Variants in TMEM132C observed in about 807,000 individuals in gnomAD.
TMEM132C encodes protein phosphatase 1, regulatory subunit 152.
TMEM132C carries 29 observed loss-of-function variants against 61.4 expected under a neutral mutation model. The ratio of observed to expected loss-of-function variants is 0.47; its 90% CI spans 0.35 to 0.64. The LOEUF is 0.64. Ranked by LOEUF, TMEM132C falls within the 30% of genes least tolerant of loss-of-function variation. The pLI is 0.00. For synonymous variants in TMEM132C, 656 were observed against 633.1 expected (o/e 1.04, Z -0.54); for missense variants, 1,408 against 1,476.9 (o/e 0.95, Z 0.76).
At chr12:128,613,131 T>C (rs954948270) in intron 3 of TMEM132C, among the ~76,000 whole-genome samples, 6 of 152,178 alleles carry the variant, frequency 3.9e-5, no homozygotes, top group African/African-American at 1.2e-4. Context: ...AGGGGGTCTT[T>C]GGACATTTGG....
chr12:128,585,932 A>G (rs950480550), intron 3 of TMEM132C, among the ~76,000 whole-genome samples: 1 of 152,172 alleles, frequency 6.6e-6, no homozygotes, highest in African/African-American at 2.4e-5. Flanking sequence ...ACAGAGGTTT[A>G]GTTTTACAAG....
intron 3 of TMEM132C, among the ~76,000 whole-genome samples, chr12:128,605,736 C>G (rs905072438): frequency 6.6e-6 from 1 of 152,116 alleles, no homozygotes; most frequent in Non-Finnish European, 1.5e-5. Flanking sequence ...TCCCTCATTC[C>G]CCTTTTTATT....
At position 128,705,458 on chromosome 12, in the gene TMEM132C, C is replaced by A; in HGVS notation, c.2490C>A (p.His830Gln). The change falls in exon 9 of 9, where the codon CAC (histidine) becomes CAA (glutamine). Residue 830 changes from histidine (H) to glutamine (Q), a missense_variant. Physicochemically the swap from His to Gln is conservative, Grantham distance 24. Transcript: ENST00000435159. ...GCGACCGCCGGCAGAAGGGCCAGCA[C>A]CATGAGCGCACAGGCCAAGATGGGC... ...HASDRRQKGQ[H>Q]HERTGQDGHL... is the part of the protein sequence containing the mutation. 1 of 1,551,142 alleles carries A rather than the reference C, an allele frequency of 6.4e-7. No homozygotes were observed. Among genetic ancestry groups the A allele is most frequent in the East Asian group, 2.4e-5 (1 of 40,892 alleles).
chr12:128,327,365 T>G (rs756364987), intron 1 of TMEM132C, among the ~76,000 whole-genome samples: 76 of 103,738 alleles, frequency 7.3e-4, no homozygotes, highest in Non-Finnish European at 1.1e-3. Flanking sequence ...CAGCTTGGTT[T>G]GTTTGTTTGT....
At chr12:128,550,252 C>T (rs1874122139) in intron 3 of TMEM132C, among the ~76,000 whole-genome samples, 1 of 151,930 alleles carries the variant, frequency 6.6e-6, no homozygotes, top group African/African-American at 2.4e-5. Flanking sequence ...CATCTTGTGT[C>T]CTCAGAGGGC....
chr12:128,350,870 C>T (rs184013234), intron 1 of TMEM132C, among the ~76,000 whole-genome samples: 3 of 152,070 alleles, frequency 2.0e-5, no homozygotes, highest in East Asian at 3.9e-4. Context: ...ACTAGAGGCA[C>T]CAGTAGCTTC....
At chr12:128,499,792 A>G (rs1872095255) in intron 2 of TMEM132C, among the ~76,000 whole-genome samples, 1 of 152,150 alleles carries the variant, frequency 6.6e-6, no homozygotes, top group African/African-American at 2.4e-5. Flanking sequence ...TCATCCATTG[A>G]TGGGCACTTA....
intron 2 of TMEM132C, among the ~76,000 whole-genome samples, chr12:128,488,079 T>A (rs1871566136): frequency 6.6e-6 from 1 of 152,208 alleles, no homozygotes; most frequent in Non-Finnish European, 1.5e-5. Context: ...CACTTGCCAG[T>A]TCCCACGGTG....
chr12:128,546,347 G>A (rs1371602597), intron 3 of TMEM132C, among the ~76,000 whole-genome samples: 4 of 152,166 alleles, frequency 2.6e-5, no homozygotes, highest in Non-Finnish European at 5.9e-5. Flanking sequence ...AAATGAAAGC[G>A]AATGTGTTCA....
intron 2 of TMEM132C, among the ~76,000 whole-genome samples, chr12:128,515,834 C>CAAAAGAAA (rs1872701005): frequency 8.9e-6 from 1 of 111,978 alleles, no homozygotes. Context: ...GACTCCGTCT[C>CAAAAGAAA]AAAAAAAAAA....
chr12:128,504,859 C>G (rs915185639), intron 2 of TMEM132C, among the ~76,000 whole-genome samples: 2 of 149,326 alleles, frequency 1.3e-5, no homozygotes, highest in Non-Finnish European at 1.5e-5. Flanking sequence ...ACAATTCAGT[C>G]CGTAATAATT....
intron 2 of TMEM132C, among the ~76,000 whole-genome samples, chr12:128,489,200 G>GT (rs1871616466): frequency 6.6e-6 from 1 of 151,992 alleles, no homozygotes; most frequent in African/African-American, 2.4e-5. Flanking sequence ...TGATGGGGGC[G>GT]TTTTCCTGCT....
At chr12:128,293,774 C>T (rs1453526007) in intron 1 of TMEM132C, among the ~76,000 whole-genome samples, 1 of 152,078 alleles carries the variant, frequency 6.6e-6, no homozygotes, top group African/African-American at 2.4e-5. Flanking sequence ...TGCACAGCCT[C>T]CTCTGAACAA....
At chr12:128,586,930 G>GA (rs1357774692) in intron 3 of TMEM132C, among the ~76,000 whole-genome samples, 2 of 152,134 alleles carry the variant, frequency 1.3e-5, no homozygotes, top group East Asian at 1.9e-4. Context: ...CAGGACATGG[G>GA]AAAAAACAGA....
intron 4 of TMEM132C, among the ~76,000 whole-genome samples, chr12:128,641,051 A>G (rs1403960051): frequency 6.6e-6 from 1 of 152,326 alleles, no homozygotes; most frequent in East Asian, 1.9e-4. Context: ...AAAACACAGG[A>G]GGTTCCCAGA....
intron 1 of TMEM132C, among the ~76,000 whole-genome samples, chr12:128,344,346 G>C (rs1873081790): frequency 6.6e-6 from 1 of 152,082 alleles, no homozygotes; most frequent in Non-Finnish European, 1.5e-5. Context: ...TTTTAGTAGA[G>C]ACAGGGTTTC....
chr12:128,481,538 C>A (rs910847715), intron 2 of TMEM132C, among the ~76,000 whole-genome samples: 2 of 152,334 alleles, frequency 1.3e-5, no homozygotes, highest in Admixed American at 6.5e-5. Context: ...CGCTTGTTAC[C>A]CCCTGCCGTG....
chr12:128,380,808 C>A (rs991652411), intron 1 of TMEM132C, among the ~76,000 whole-genome samples: 2 of 152,194 alleles, frequency 1.3e-5, no homozygotes, highest in South Asian at 4.1e-4. Context: ...CTGGTCATAA[C>A]ATATTCATCA....
chr12:128,617,016 C>G (rs1405585287), intron 4 of TMEM132C, among the ~76,000 whole-genome samples: 1 of 152,220 alleles, frequency 6.6e-6, no homozygotes, highest in Admixed American at 6.5e-5. Flanking sequence ...AGGCTACAAA[C>G]ACAACCCAAC....
Sources: gnomAD v4.1 joint callset for allele counts (sites outside exome capture counted in the v4.1 genomes callset) on GRCh38, gnomAD v4.1.1 for gene constraint, MANE v1.5 for transcripts, NCBI Gene and HGNC (gene_info 2026-07-23, HGNC 2026-07-21) for gene names.